KIAA1549: variants seen among roughly 807,000 people sequenced by gnomAD.
KIAA1549 encodes the protein KIAA1549.
KIAA1549 carries 70 observed loss-of-function variants against 156.4 expected under a neutral mutation model. The ratio of observed to expected loss-of-function variants is 0.45; its 90% CI spans 0.37 to 0.55. KIAA1549 has a LOEUF of 0.55. Among genes scored for constraint, KIAA1549 ranks in the 20% least tolerant of loss-of-function variants. The probability of loss-of-function intolerance (pLI) is 0.00; values close to 1 mark genes in which losing one functional copy is unlikely to be tolerated. For missense variants in KIAA1549, 2,428 were observed against 2,540.9 expected, an observed-to-expected ratio of 0.96 and a Z score of 0.96; for synonymous variants, 1,103 against 1,066.4, an observed-to-expected ratio of 1.03 and a Z score of -0.67.
At chr7:138,899,298 G>A in intron 8 of KIAA1549, 166 bp from the exon 9 acceptor site, 2 of 665,400 alleles carry the variant, frequency 3.0e-6, no homozygotes, top group Non-Finnish European at 5.3e-6. Flanking sequence ...CTCTGTTGAT[G>A]GGAAGAGGGA....
rs551295107 is a variant in KIAA1549, at chr7:138,901,976, C to T, written c.3669+1612G>A. On this transcript the variant is annotated intron_variant, in intron 8 of 19. Coordinates refer to ENST00000422774, the MANE Select transcript of KIAA1549 (RefSeq NM_001164665.2). Reference sequence around the variant, plus strand: ...AATTTAGCACTGTATTATACTTTCACGGTGTCCTATAACTATTTCATGTGC... The same window carrying T: ...AATTTAGCACTGTATTATACTTTCATGGTGTCCTATAACTATTTCATGTGC... Among the ~76,000 whole-genome samples the T allele has an allele frequency of 8.3e-4, 127 of 152,294 alleles. 1 individual carries two copies. The highest frequency in any genetic ancestry group is 6.8e-3 in the South Asian group (33 of 4,824).
chr7:138,899,185 CCT>C (rs759825848), intron 8 of KIAA1549, 53 bp from the exon 9 acceptor site: 1 of 1,532,326 alleles, frequency 6.5e-7, no homozygotes, highest in Non-Finnish European at 9.0e-7. Flanking sequence ...TTCTAGATGC[CCT>C]CTCTCAGGTT....
chr7:138,917,207 T>A lies in KIAA1549; in HGVS notation c.2419A>T (p.Thr807Ser), dbSNP rs371582835. ...ATTTGGTCGTCAGGAGGTGTCAGAG[T>A]TGAGAACAAAGAAGACTCAGTTAAA... ...PILTESSLFS[T>S]LTPPDDQISA... is the part of the protein sequence containing the mutation. The change falls in exon 2 of 20, where the codon ACT becomes TCT. Residue 807 changes from threonine (T) to serine (S), a missense_variant. Coordinates refer to ENST00000422774, the MANE Select transcript of KIAA1549 (RefSeq NM_001164665.2). The A allele has an allele frequency of 2.1e-5, 34 of 1,613,538 alleles. No individual in the cohort carries two copies. In the East Asian group the frequency reaches 4.5e-4, roughly 21 times the overall value.
intron 1 of KIAA1549, among the ~76,000 whole-genome samples, chr7:138,948,694 CTTTTT>C (rs11325172): frequency 7.2e-6 from 1 of 138,184 alleles, no homozygotes; most frequent in African/African-American, 2.7e-5. Context: ...TGTTTTGTGG[CTTTTT>C]TTTTTTTTTT....
chr7:138,943,934 T>A (rs931756160), intron 1 of KIAA1549, among the ~76,000 whole-genome samples: 1 of 142,586 alleles, frequency 7.0e-6, no homozygotes, highest in African/African-American at 2.6e-5. Context: ...TCTCTTAGCA[T>A]TTTTTTTTTT....
At chr7:138,892,095 C>A (rs1811563471) in intron 10 of KIAA1549, among the ~76,000 whole-genome samples, 1 of 152,148 alleles carries the variant, frequency 6.6e-6, no homozygotes, top group Non-Finnish European at 1.5e-5. Flanking sequence ...TTTCTGTAAA[C>A]CTGTTGTCAG....
Position 138,918,217 on chromosome 7 carries a change from T to C in KIAA1549, c.1409A>G (p.Asp470Gly). 6.2e-7 allele frequency: 1 copy of C among 1,614,008 alleles called. No homozygotes were observed. Among genetic ancestry groups the C allele is most frequent in the Non-Finnish European group, 8.5e-7 (1 of 1,179,876 alleles). Reference sequence around the variant, plus strand: ...AGGATCTTCCTCAAATTCAGAGAAGTCTGCTACGACGCTACTCATTAGAGA... The same window carrying C: ...AGGATCTTCCTCAAATTCAGAGAAGCCTGCTACGACGCTACTCATTAGAGA... ...SISLMSSVVA[D>G]FSEFEEDPQV... The change falls in exon 2 of 20, where the codon GAC (aspartate) becomes GGC (glycine). Residue 470 changes from aspartate (D) to glycine (G), a missense_variant. By Grantham distance (94) the Asp-to-Gly change is moderately conservative. Coordinates refer to ENST00000422774, the MANE Select transcript of KIAA1549 (RefSeq NM_001164665.2). This position sits in a 1 kb window ranked among gnomAD's most constrained non-coding sequence, Gnocchi z 4.2.
chr7:138,970,951 C>A lies in KIAA1549; in HGVS notation c.187+10132G>T, dbSNP rs530795530. On this transcript the variant is annotated intron_variant, in intron 1 of 19. Coordinates refer to ENST00000422774, the MANE Select transcript of KIAA1549 (RefSeq NM_001164665.2). ...TCCTTCCTCAGGCCCAAACAGAGAA[C>A]AAAGAAGAAAGAAGTGACAGGAGAG... 8.0e-5 allele frequency among the ~76,000 whole-genome samples: 7 copies of A among 87,412 alleles called. No individual in the cohort carries two copies. In the East Asian group the frequency reaches 2.3e-3, roughly 29 times the overall value. 57.3% of individuals were successfully genotyped at this position (87,412 alleles called of 152,430 possible).
intron 8 of KIAA1549, among the ~76,000 whole-genome samples, chr7:138,901,177 T>C (rs368678531): frequency 2.6e-5 from 4 of 152,226 alleles, no homozygotes; most frequent in South Asian, 4.2e-4. Context: ...AAAATATATA[T>C]AAAGAAAATG....
chr7:138,943,382 C>T (rs1009956729), intron 1 of KIAA1549, among the ~76,000 whole-genome samples: 6 of 152,146 alleles, frequency 3.9e-5, no homozygotes, highest in Admixed American at 2.0e-4. Context: ...TCACAGCACA[C>T]GAAACTCATG....
At position 138,835,876 on chromosome 7, in the gene KIAA1549, C is replaced by T. The variant is rs916381242; in HGVS notation, c.*2030G>A. On this transcript the variant is annotated 3_prime_UTR_variant, in exon 20 of 20. Coordinates refer to ENST00000422774, the MANE Select transcript of KIAA1549 (RefSeq NM_001164665.2). ...AAGATGCTGCTGGTCCTTTGTTGAA[C>T]GTCCTTGAGAGACTTACTCTCCTGC... 3 of 219,700 alleles carry T rather than the reference C, an allele frequency of 1.4e-5. No individual in the cohort carries two copies. Among genetic ancestry groups the T allele is most frequent in the Non-Finnish European group, 2.7e-5 (3 of 109,566 alleles). The allele number at this position is 219,700 out of a possible 1,614,324, so 13.6% of individuals were successfully genotyped here.
At chr7:138,897,636 G>A (rs1309151345) in intron 9 of KIAA1549, among the ~76,000 whole-genome samples, 1 of 151,968 alleles carries the variant, frequency 6.6e-6, no homozygotes, top group Non-Finnish European at 1.5e-5. Flanking sequence ...GCTCATGGTT[G>A]GGATTCCAAC....
chr7:138,832,589 T>C lies in KIAA1549; in HGVS notation c.*5317A>G, dbSNP rs1354542056. ...GGATCCTGGATAATTATCTACCCTGTGGGAAGCCATTTTAACTATACTGCA... is the reference window on the plus strand; with the variant it reads ...GGATCCTGGATAATTATCTACCCTGCGGGAAGCCATTTTAACTATACTGCA... On this transcript the variant is annotated 3_prime_UTR_variant, in exon 20 of 20. Coordinates refer to ENST00000422774, the MANE Select transcript of KIAA1549 (RefSeq NM_001164665.2). 1 of 207,306 alleles carries C rather than the reference T, an allele frequency of 4.8e-6. No individual in the cohort carries two copies. The highest frequency in any genetic ancestry group is 9.8e-6 in the Non-Finnish European group (1 of 101,558). The allele number at this position is 207,306 out of a possible 1,614,324, so 12.8% of individuals were successfully genotyped here.
rs1318027586 is a variant in KIAA1549 at position 138,917,994 on chromosome 7, A to C, written c.1632T>G (p.Ala544=). Residue 544 remains alanine, a synonymous_variant, in exon 2 of 20, where the codon GCT becomes GCG. Transcript: ENST00000422774. ...LDPTAGSLSV[A]ETQVTPSSVT... ...CGCTGGATGGCGTCACTTGGGTTTC[A>C]GCAACAGACAAGGAGCCAGCAGTAG... 1 of 1,599,074 alleles carries C rather than the reference A, an allele frequency of 6.3e-7. No homozygotes were observed.
chr7:138,952,918 G>C (rs949110235), intron 1 of KIAA1549, among the ~76,000 whole-genome samples: 1 of 152,212 alleles, frequency 6.6e-6, no homozygotes, highest in African/African-American at 2.4e-5. Context: ...AGTCTAGACT[G>C]AATATTCAGA....
At chr7:138,945,557 G>A (rs1813313804) in intron 1 of KIAA1549, among the ~76,000 whole-genome samples, 1 of 152,136 alleles carries the variant, frequency 6.6e-6, no homozygotes, top group South Asian at 2.1e-4. Context: ...GTGATTATTC[G>A]CTTTTGAGTT....
chr7:138,879,722 T>G, intron 11 of KIAA1549, 69 bp from the exon 12 acceptor site: 2 of 1,048,810 alleles, frequency 1.9e-6, no homozygotes, highest in Non-Finnish European at 2.8e-6. Flanking sequence ...TCCCATTAAT[T>G]TGTGTGTGGA....
At chr7:138,955,989 G>A (rs1584782744) in intron 1 of KIAA1549, among the ~76,000 whole-genome samples, 1 of 152,278 alleles carries the variant, frequency 6.6e-6, no homozygotes, top group South Asian at 2.1e-4. Flanking sequence ...CACCTCCTGA[G>A]TTGAGGCAAC....
chr7:138,913,164 G>A (rs779619731), intron 2 of KIAA1549, among the ~76,000 whole-genome samples: 7 of 151,992 alleles, frequency 4.6e-5, no homozygotes, highest in East Asian at 1.9e-4. Flanking sequence ...GTGAGCCACC[G>A]CACCCAGCCA....
Sources: gnomAD v4.1 joint callset for allele counts (sites outside exome capture counted in the v4.1 genomes callset) on GRCh38, gnomAD v4.1.1 for gene constraint, Gnocchi (gnomAD v3.1) non-coding constraint, MANE v1.5 for transcripts, NCBI Gene and HGNC (gene_info 2026-07-23, HGNC 2026-07-21) for gene names.